RS1: variants seen among roughly 807,000 people sequenced by gnomAD.
RS1 encodes retinoschisin 1.
Under a neutral mutation model 20.8 loss-of-function variants are expected in RS1, and 2 were observed. The ratio of observed to expected loss-of-function variants is 0.10; its 90% CI spans 0.04 to 0.30. The LOEUF (loss-of-function observed/expected upper bound fraction) is 0.30. RS1 is among the 10% of genes least tolerant of loss of function. RS1 has a pLI of 1.00. For synonymous variants in RS1, 70 were observed against 75.8 expected (o/e 0.92, Z 0.40); for missense variants, 151 against 189.8 (o/e 0.80, Z 1.20).
intron 4 of RS1, 45 bp from the exon 5 acceptor site, chrX:18,644,670 G>T (rs897002454): frequency 1.7e-6 from 2 of 1,178,204 alleles, no homozygotes; most frequent in Non-Finnish European, 2.3e-6. Context: ...CCCTGTGCAT[G>T]TCTGCAAAAA....
chrX:18,645,634 C>T (rs1343654346), intron 4 of RS1, among the ~76,000 whole-genome samples: 1 of 111,056 alleles, frequency 9.0e-6, no homozygotes, highest in Non-Finnish European at 1.9e-5. Flanking sequence ...AGCCCGTGTC[C>T]CCCTCTTTCT....
At chrX:18,669,273 C>A (rs1928451532) in intron 1 of RS1, among the ~76,000 whole-genome samples, 1 of 109,829 alleles carries the variant, frequency 9.1e-6, no homozygotes, top group South Asian at 3.9e-4. Flanking sequence ...GGCAGATCAC[C>A]TGAGGTCGGG....
chrX:18,646,164 C>A (rs1334013349), intron 4 of RS1: 1 of 1,190,200 alleles, frequency 8.4e-7, no homozygotes, highest in East Asian at 3.0e-5. Context: ...TTTTTTTTTC[C>A]TTTCTGAGAC....
At chrX:18,665,388 C>T (rs1465421401) in intron 1 of RS1, among the ~76,000 whole-genome samples, 1 of 111,566 alleles carries the variant, frequency 9.0e-6, no homozygotes, top group Non-Finnish European at 1.9e-5. Flanking sequence ...AATAAAGTGT[C>T]CTTCAAGGGG....
chrX:18,643,542 C>T (rs1358449847), intron 5 of RS1, among the ~76,000 whole-genome samples: 1 of 112,208 alleles, frequency 8.9e-6, no homozygotes. Context: ...AAAAACTTCT[C>T]ATGTCTTTTG....
chrX:18,653,368 A>G, intron 3 of RS1: 1 of 1,191,376 alleles, frequency 8.4e-7, no homozygotes, highest in Non-Finnish European at 1.1e-6. Context: ...GGCATTAGCC[A>G]GAGTGCACCT....
rs754381417 is a variant in RS1 at position 18,644,481 on chromosome X, G to A, written c.471C>T (p.Thr157=). 19 of 1,209,372 alleles carry A rather than the reference G, an allele frequency of 1.6e-5. No individual in the cohort carries two copies. Among genetic ancestry groups the A allele is most frequent in the Non-Finnish European group, 2.1e-5 (19 of 894,994 alleles). Residue 157 remains threonine (T), a synonymous_variant, in exon 5 of 6, where the codon ACC becomes ACT. Coordinates refer to ENST00000379984, the MANE Select transcript of RS1 (RefSeq NM_000330.4). ...AGTAAATCCAGTTCAGGCGCTCATC[G>A]GTCCTGTACTGCACGCTGTACTTGG... ...WMTKYSVQYR[T]DERLNWIYYK... is the part of the protein sequence containing the mutation.
At chrX:18,650,189 G>A in intron 3 of RS1, 1 of 465,173 alleles carries the variant, frequency 2.1e-6, no homozygotes, top group Non-Finnish European at 3.8e-6. Flanking sequence ...ACCTGGCCAG[G>A]GCCAATGGCC....
chrX:18,648,518 C>T (rs1215640981), intron 3 of RS1, among the ~76,000 whole-genome samples: 1 of 111,049 alleles, frequency 9.0e-6, no homozygotes, highest in African/African-American at 3.3e-5. Flanking sequence ...CTAGGGATTA[C>T]AGGTGTGAGC....
Position 18,641,992 on chromosome X carries a change from C to G in RS1, c.*12G>C, listed in dbSNP as rs1172558867. On this transcript the variant is annotated 3_prime_UTR_variant, in exon 6 of 6. Coordinates refer to ENST00000379984, the MANE Select transcript of RS1 (RefSeq NM_000330.4). ...CAGTCACCCCCTGGCAGGCGCCGAG[C>G]TGAGGCAGGCATCAGGCACACTTGC... 1 of 1,209,269 alleles carries G rather than the reference C, an allele frequency of 8.3e-7. No homozygotes were observed. Among genetic ancestry groups the G allele is most frequent in the Non-Finnish European group, 1.1e-6 (1 of 895,173 alleles).
chrX:18,655,302 T>A (rs1048970828), intron 3 of RS1, among the ~76,000 whole-genome samples: 2 of 112,185 alleles, frequency 1.8e-5, no homozygotes, highest in African/African-American at 6.5e-5. Flanking sequence ...GTTTTGTAAA[T>A]AAAGTTTTAT....
chrX:18,667,200 A>T (rs1188502342), intron 1 of RS1, among the ~76,000 whole-genome samples: 3 of 111,495 alleles, frequency 2.7e-5, no homozygotes, highest in Non-Finnish European at 5.7e-5. Context: ...CACCCTCAAG[A>T]GAAGCTGGGA....
intron 3 of RS1, among the ~76,000 whole-genome samples, chrX:18,649,404 A>G (rs867344868): frequency 9.0e-6 from 1 of 111,666 alleles, no homozygotes; most frequent in Non-Finnish European, 1.9e-5. Flanking sequence ...GGCAAATCAT[A>G]GTATTTTCTC....
At chrX:18,642,785 A>G (rs1678451228) in intron 5 of RS1, among the ~76,000 whole-genome samples, 1 of 112,110 alleles carries the variant, frequency 8.9e-6, no homozygotes, top group Non-Finnish European at 1.9e-5. Flanking sequence ...CACGCCTGTA[A>G]TCCCAGCACT....
At position 18,640,936 on chromosome X, in the gene RS1, C is replaced by A. The variant is rs1927552753; in HGVS notation, c.*1068G>T. 1 of 113,084 alleles carries A rather than the reference C, an allele frequency of 8.8e-6. No individual in the cohort carries two copies. Among genetic ancestry groups the A allele is most frequent in the Non-Finnish European group, 1.9e-5 (1 of 53,331 alleles). The allele number at this position is 113,084 out of a possible 1,213,427, so 9.3% of individuals were successfully genotyped here. ...CCAGGAACGGAAAGCCAGGCCCATT[C>A]CTTCCCAGAGAGCTTTTCAGGAGCA... is the stretch of plus-strand genomic sequence containing the variant. On this transcript the variant is annotated 3_prime_UTR_variant, in exon 6 of 6. Transcript: ENST00000379984.
chrX:18,654,693 C>CCATGGA (rs1928179935), intron 3 of RS1, among the ~76,000 whole-genome samples: 1 of 111,367 alleles, frequency 9.0e-6, no homozygotes, highest in African/African-American at 3.3e-5. Context: ...TGAGCTCATG[C>CCATGGA]CATGGAGCCT....
intron 1 of RS1, among the ~76,000 whole-genome samples, chrX:18,669,487 C>CAAAAAAAAAAAAAAAAAAAAAAAA (rs386416704): frequency 3.4e-5 from 2 of 58,894 alleles, no homozygotes; most frequent in Non-Finnish European, 5.7e-5. Flanking sequence ...GTGAAATTCT[C>CAAAAAAAAAAAAAAAAAAAAAAAA]AAAAAAAAAA....
At chrX:18,664,028 G>A (rs746837935) in intron 1 of RS1, among the ~76,000 whole-genome samples, 23 of 111,327 alleles carry the variant, frequency 2.1e-4, no homozygotes, top group African/African-American at 6.5e-4. Context: ...ACATATATGC[G>A]CCCTATGACC....
intron 3 of RS1, among the ~76,000 whole-genome samples, chrX:18,651,681 C>T (rs762834015): frequency 1.8e-5 from 2 of 111,496 alleles, no homozygotes; most frequent in Non-Finnish European, 3.8e-5. Context: ...GGAGAAAAGA[C>T]CTTCAAAAAT....
Sources: gnomAD v4.1 joint callset for allele counts (sites outside exome capture counted in the v4.1 genomes callset) on GRCh38, gnomAD v4.1.1 for gene constraint, MANE v1.5 for transcripts, NCBI Gene and HGNC (gene_info 2026-07-23, HGNC 2026-07-21) for gene names.